Variants in TRIM16 observed in about 807,000 individuals in gnomAD.
TRIM16 encodes the protein tripartite motif containing 16.
TRIM16 carries 33 observed loss-of-function variants against 50.4 expected under a neutral mutation model. The ratio of observed to expected loss-of-function variants is 0.65; its 90% CI spans 0.50 to 0.88. The LOEUF (loss-of-function observed/expected upper bound fraction) is 0.88, where lower values mean the gene tolerates loss of function less well. TRIM16 is among the 40% of genes least tolerant of loss of function. The probability of loss-of-function intolerance (pLI) is 0.00; values close to 1 mark genes in which losing one functional copy is unlikely to be tolerated. For synonymous variants in TRIM16, 229 were observed against 270.7 expected, an observed-to-expected ratio of 0.85 and a Z score of 1.51; for missense variants, 581 against 686.8, an observed-to-expected ratio of 0.85 and a Z score of 1.72.
Position 15,651,528 on chromosome 17 carries a change from CAG to C in TRIM16, c.80_81del (p.Ser27TrpfsTer44). On this transcript the variant is annotated frameshift_variant, in exon 7 of 12. Transcript: ENST00000649191. LOFTEE classifies it high-confidence loss of function. ...GACCCAGAATCTGGGCTGGGTGACCCAGAGTCTGGGCTGAGAGGGGCTGGGGG... is the reference window on the plus strand; with the variant it reads ...GACCCAGAATCTGGGCTGGGTGACCCAGTCTGGGCTGAGAGGGGCTGGGGG... The part of the protein sequence containing the change: ...AQPPAPLSPD[S>X]GSPSPDSGSA... The C allele has an allele frequency of 6.2e-7, 1 of 1,613,670 alleles. No homozygotes were observed. Among genetic ancestry groups the C allele is most frequent in the Non-Finnish European group, 8.5e-7 (1 of 1,179,784 alleles).
At chr17:15,679,314 A>G (rs1215872017) in intron 4 of TRIM16, among the ~76,000 whole-genome samples, 1 of 152,214 alleles carries the variant, frequency 6.6e-6, no homozygotes, top group African/African-American at 2.4e-5. Context: ...GCTCCTGGAT[A>G]TGTCTGGCGA....
At chr17:15,652,306 C>T (rs1020013132) in intron 6 of TRIM16, among the ~76,000 whole-genome samples, 5 of 135,558 alleles carry the variant, frequency 3.7e-5, no homozygotes, top group Non-Finnish European at 6.1e-5. Flanking sequence ...TGCCACCGTG[C>T]CCGGCTAATT....
In TRIM16 at chr17:15,651,691, C is replaced by T. The variant is rs1179875165; in HGVS notation, c.-82G>A. ...CAGCCCAAGTCAGACAAGAGAACCA[C>T]GCCTAGATGATTGCAGCTGCTGCAA... On this transcript the variant is annotated 5_prime_UTR_variant, in exon 7 of 12. In the 5' UTR this introduces an upstream ATG that the reference lacks. Coordinates refer to ENST00000649191, the MANE Select transcript of TRIM16 (RefSeq NM_001348119.1). 52 of 1,553,628 alleles carry T rather than the reference C, an allele frequency of 3.3e-5. No homozygotes were observed. Among genetic ancestry groups the T allele is most frequent in the Middle Eastern group, 3.3e-4 (2 of 6,014 alleles).
At chr17:15,639,035 TTCTC>T (rs1204651107) in intron 8 of TRIM16, among the ~76,000 whole-genome samples, 13 of 137,724 alleles carry the variant, frequency 9.4e-5, no homozygotes, top group South Asian at 2.6e-4. Context: ...TCTCCCTACA[TTCTC>T]TCTCTCTTTT....
intron 9 of TRIM16, among the ~76,000 whole-genome samples, chr17:15,634,599 C>A (rs1175982083): frequency 7.1e-6 from 1 of 141,134 alleles, no homozygotes; most frequent in East Asian, 2.2e-4. Flanking sequence ...CCATTGCACT[C>A]CAGCCTGGGC....
At chr17:15,650,335 A>G (rs1038198317) in intron 7 of TRIM16, among the ~76,000 whole-genome samples, 2 of 152,166 alleles carry the variant, frequency 1.3e-5, no homozygotes, top group African/African-American at 4.8e-5. Flanking sequence ...AAAGCATATG[A>G]GGTGCCAAAC....
At chr17:15,636,461 TCTC>T (rs1292935091) in intron 8 of TRIM16, among the ~76,000 whole-genome samples, 192 bp from the exon 9 acceptor site, 5 of 149,474 alleles carry the variant, frequency 3.3e-5, no homozygotes, top group Admixed American at 3.3e-4. Flanking sequence ...ATTAACTTGG[TCTC>T]CTCATCCATT....
At chr17:15,645,695 G>A (rs1181514431) in intron 7 of TRIM16, among the ~76,000 whole-genome samples, 1 of 152,240 alleles carries the variant, frequency 6.6e-6, no homozygotes, top group Non-Finnish European at 1.5e-5. Flanking sequence ...CTGAAGACTG[G>A]GGGAATTCCA....
Position 15,664,565 on chromosome 17 carries a change from G to A in TRIM16, c.-338+12611C>T, listed in dbSNP as rs182273702. ...ACAGAGACGACCTGTGGCCACAAGC[G>A]CCCTGTTCTGTTTAGATCTGCGCTC... On this transcript the variant is annotated intron_variant, in intron 6 of 11. Transcript: ENST00000649191. Among the ~76,000 whole-genome samples the A allele has an allele frequency of 3.2e-3, 486 of 152,226 alleles. 4 individuals are homozygous for A. The highest frequency in any genetic ancestry group is 0.011 in the African/African-American group (446 of 41,520).
chr17:15,672,954 A>C (rs1165168320), intron 6 of TRIM16, among the ~76,000 whole-genome samples: 1 of 152,268 alleles, frequency 6.6e-6, no homozygotes, highest in Non-Finnish European at 1.5e-5. Context: ...CAAGAGAATT[A>C]TACCAATTCA....
intron 4 of TRIM16, among the ~76,000 whole-genome samples, chr17:15,678,364 T>C (rs1406816347): frequency 6.6e-6 from 1 of 152,220 alleles, no homozygotes; most frequent in African/African-American, 2.4e-5. Context: ...TAACTGTCCA[T>C]GAAAATATGC....
At chr17:15,649,185 A>G (rs935051357) in intron 7 of TRIM16, among the ~76,000 whole-genome samples, 18 of 151,724 alleles carry the variant, frequency 1.2e-4, no homozygotes, top group African/African-American at 4.4e-4. Flanking sequence ...GAAATAAGAA[A>G]GTGTAGACAG....
At chr17:15,658,951 G>C (rs551672225) in intron 6 of TRIM16, 1 of 849,408 alleles carries the variant, frequency 1.2e-6, no homozygotes, top group African/African-American at 1.8e-5. Context: ...ATAAAGGTGA[G>C]ACAAACAGCA....
At chr17:15,630,375 T>C (rs985339500) in intron 11 of TRIM16, among the ~76,000 whole-genome samples, 28 of 152,196 alleles carry the variant, frequency 1.8e-4, no homozygotes, top group Non-Finnish European at 4.0e-4. Flanking sequence ...ATAATATATA[T>C]TCATGTGAGT....
chr17:15,642,120 A>G (rs1450699062), intron 8 of TRIM16, among the ~76,000 whole-genome samples: 4 of 149,036 alleles, frequency 2.7e-5, no homozygotes, highest in Non-Finnish European at 6.0e-5. Context: ...TTGGGATTAC[A>G]GGTGTGAGCC....
chr17:15,668,092 AC>A (rs758879877), intron 6 of TRIM16, among the ~76,000 whole-genome samples: 73 of 151,804 alleles, frequency 4.8e-4, no homozygotes, highest in Non-Finnish European at 8.1e-4. Flanking sequence ...TCTGTATCTC[AC>A]CCCGCACGAT....
At chr17:15,643,186 T>C in intron 7 of TRIM16, 1 of 437,324 alleles carries the variant, frequency 2.3e-6, no homozygotes, top group Non-Finnish European at 3.3e-6. Context: ...ATTCCAAAGT[T>C]AACCTGAAAA....
chr17:15,663,154 C>A (rs1447099514), intron 6 of TRIM16, among the ~76,000 whole-genome samples: 1 of 152,192 alleles, frequency 6.6e-6, no homozygotes, highest in Non-Finnish European at 1.5e-5. Context: ...CATCTTTCCT[C>A]ATTTTAACTC....
intron 8 of TRIM16, among the ~76,000 whole-genome samples, chr17:15,636,568 A>G (rs1418940814): frequency 1.3e-5 from 2 of 148,358 alleles, no homozygotes; most frequent in Non-Finnish European, 3.0e-5. Flanking sequence ...TGATTTTCCT[A>G]CCAGAGCAAT....
Sources: gnomAD v4.1 joint callset for allele counts (sites outside exome capture counted in the v4.1 genomes callset) on GRCh38, gnomAD v4.1.1 for gene constraint, MANE v1.5 for transcripts, NCBI Gene and HGNC (gene_info 2026-07-23, HGNC 2026-07-21) for gene names.